The following SORCS2 variants were observed in gnomAD, a reference collection of about 807,000 sequenced individuals.
SORCS2 encodes the protein sortilin related VPS10 domain containing receptor 2.
In SORCS2, 100 loss-of-function variants were observed where a neutral mutation model predicts 141.6. The observed-to-expected ratio is 0.71, with a 90% CI of 0.60 to 0.83. SORCS2 has a LOEUF of 0.83. Among genes scored for constraint, SORCS2 ranks in the 40% least tolerant of loss-of-function variants. SORCS2 has a pLI of 0.00. For synonymous variants in SORCS2, 789 were observed against 676.9 expected, an observed-to-expected ratio of 1.17 and a Z score of -2.57; for missense variants, 1,646 against 1,560.2, an observed-to-expected ratio of 1.05 and a Z score of -0.93.
At chr4:7,359,478 G>A (rs1250839336) in intron 1 of SORCS2, among the ~76,000 whole-genome samples, 1 of 152,194 alleles carries the variant, frequency 6.6e-6, no homozygotes, top group Non-Finnish European at 1.5e-5. Flanking sequence ...AATGTGCTCA[G>A]GGGAGCTGCT....
chr4:7,703,407 A>G, intron 13 of SORCS2, 36 bp downstream of exon 13: 1 of 1,562,078 alleles, frequency 6.4e-7, no homozygotes, highest in South Asian at 1.2e-5. Flanking sequence ...CAGGGAGGGC[A>G]GGCTGGGGCT....
At position 7,667,115 on chromosome 4, in the gene SORCS2, CCCGG is replaced by C; in HGVS notation, c.1072-8_1072-5del. 6.2e-7 allele frequency: 1 copy of C among 1,609,488 alleles called. No homozygotes were observed. Among genetic ancestry groups the C allele is most frequent in the Non-Finnish European group, 8.5e-7 (1 of 1,176,134 alleles). Reference sequence around the variant, plus strand: ...AGCCTCTCAAAAATGTGTTTCTTCCCCCGGTTAGGCAACATCAGCAAACCAGACA... The same window carrying C: ...AGCCTCTCAAAAATGTGTTTCTTCCCTTAGGCAACATCAGCAAACCAGACA... On this transcript the variant is annotated splice_polypyrimidine_tract_variant and splice_region_variant and intron_variant, in intron 7 of 26. Coordinates refer to ENST00000507866, the MANE Select transcript of SORCS2 (RefSeq NM_020777.3).
At chr4:7,719,524 C>A (rs551435853) in intron 18 of SORCS2, among the ~76,000 whole-genome samples, 1 of 152,296 alleles carries the variant, frequency 6.6e-6, no homozygotes, top group Admixed American at 6.5e-5. Flanking sequence ...AGTCTGGGGC[C>A]CCTAGACCTG....
intron 3 of SORCS2, among the ~76,000 whole-genome samples, chr4:7,563,544 G>C (rs1434545165): frequency 6.6e-6 from 1 of 152,174 alleles, no homozygotes; most frequent in Non-Finnish European, 1.5e-5. Flanking sequence ...GGCTGAATGA[G>C]AGGAGTGCCA....
intron 1 of SORCS2, among the ~76,000 whole-genome samples, chr4:7,362,824 C>G (rs1467117427): frequency 1.3e-5 from 2 of 151,882 alleles, no homozygotes; most frequent in Non-Finnish European, 2.9e-5. Flanking sequence ...CCAACACCAC[C>G]ATCATTACTA....
chr4:7,403,260 A>C (rs113359873), intron 2 of SORCS2, among the ~76,000 whole-genome samples: 1 of 152,150 alleles, frequency 6.6e-6, no homozygotes, highest in African/African-American at 2.4e-5. Context: ...CTGTTGGCTG[A>C]TGGGCTTGGG....
chr4:7,483,793 T>C, intron 2 of SORCS2, among the ~76,000 whole-genome samples: 1 of 152,008 alleles, frequency 6.6e-6, no homozygotes, highest in Non-Finnish European at 1.5e-5. Flanking sequence ...AAATACCTAA[T>C]GAATGCAGGG....
At chr4:7,384,116 C>T (rs1723148969) in intron 1 of SORCS2, among the ~76,000 whole-genome samples, 1 of 152,188 alleles carries the variant, frequency 6.6e-6, no homozygotes, top group Admixed American at 6.5e-5. Flanking sequence ...CTTCCTCCCA[C>T]AGTCCCTGCA....
At chr4:7,194,839 C>A (rs1727073707) in intron 1 of SORCS2, among the ~76,000 whole-genome samples, 1 of 152,214 alleles carries the variant, frequency 6.6e-6, no homozygotes, top group Non-Finnish European at 1.5e-5. Context: ...TCCCGCAGGG[C>A]CAGAAAGCTC....
rs956120713 is a variant in SORCS2 at position 7,689,652 on chromosome 4, T to C, written c.1591+64T>C. On this transcript the variant is annotated intron_variant, in intron 11 of 26. Coordinates refer to ENST00000507866, the MANE Select transcript of SORCS2 (RefSeq NM_020777.3). ...TACAGCCCAAGAGTACCTCCAATCT[T>C]AAGGGTAAAAAGGGATGGTCATGAG... 41 of 1,450,164 alleles carry C rather than the reference T, an allele frequency of 2.8e-5. No homozygotes were observed. In the African/African-American group the frequency reaches 5.5e-4, roughly 19 times the overall value. The allele number at this position is 1,450,164 out of a possible 1,614,324, so 89.8% of individuals were successfully genotyped here.
chr4:7,724,921 G>GGCAGTGATGATGGTGGAGGT (rs1560115089), intron 19 of SORCS2, among the ~76,000 whole-genome samples: 2,938 of 36,262 alleles, frequency 0.081, 477 homozygotes, highest in South Asian at 0.11. Flanking sequence ...TGGTGGGAAT[G>GGCAGTGATGATGGTGGAGGT]GATGGTGGTA....
At chr4:7,377,901 C>T (rs1044672463) in intron 1 of SORCS2, among the ~76,000 whole-genome samples, 1 of 152,184 alleles carries the variant, frequency 6.6e-6, no homozygotes, top group Non-Finnish European at 1.5e-5. Flanking sequence ...TTGAGTTCAC[C>T]CTGGGGAGAT....
intron 1 of SORCS2, among the ~76,000 whole-genome samples, chr4:7,196,445 G>A (rs1355648032): frequency 6.6e-6 from 1 of 152,094 alleles, no homozygotes; most frequent in African/African-American, 2.4e-5. Flanking sequence ...TGGGCTTATT[G>A]TGCTTATTTT....
At chr4:7,524,614 G>C (rs997249766) in intron 2 of SORCS2, among the ~76,000 whole-genome samples, 3 of 151,712 alleles carry the variant, frequency 2.0e-5, no homozygotes, top group Non-Finnish European at 4.4e-5. Flanking sequence ...CTTTGAAGGA[G>C]TGATGTTTAG....
intron 3 of SORCS2, among the ~76,000 whole-genome samples, chr4:7,532,560 C>T (rs932521264): frequency 1.3e-4 from 20 of 152,144 alleles, no homozygotes; most frequent in Non-Finnish European, 1.5e-5. Flanking sequence ...GGGAGTTGTG[C>T]GGGATGGTGA....
intron 2 of SORCS2, among the ~76,000 whole-genome samples, chr4:7,508,029 C>T (rs1436661496): frequency 1.3e-5 from 2 of 152,012 alleles, no homozygotes; most frequent in Non-Finnish European, 2.9e-5. Flanking sequence ...AAAGTGGACT[C>T]ACGACGGGTA....
At position 7,654,121 on chromosome 4, in the gene SORCS2, T is replaced by C; in HGVS notation, c.814-13T>C. On this transcript the variant is annotated splice_polypyrimidine_tract_variant and intron_variant, in intron 4 of 26. Coordinates refer to ENST00000507866, the MANE Select transcript of SORCS2 (RefSeq NM_020777.3). ...TCCTGACCAAGCTTTTGTTTCTTTTTTCTGCCCTAAAGCTCTACGTGTCAT... is the reference window on the plus strand; with the variant it reads ...TCCTGACCAAGCTTTTGTTTCTTTTCTCTGCCCTAAAGCTCTACGTGTCAT... The C allele has an allele frequency of 3.8e-6, 6 of 1,564,954 alleles. No individual in the cohort carries two copies. Among genetic ancestry groups the C allele is most frequent in the Non-Finnish European group, 5.2e-6 (6 of 1,153,260 alleles).
chr4:7,697,663 T>C lies in SORCS2; in HGVS notation c.1668+389T>C, dbSNP rs1724796883. On this transcript the variant is annotated intron_variant, in intron 12 of 26. Transcript: ENST00000507866. ...CCACATGGTGCTTCTGAGCCTTGACTTGGGCTCTTTTGGGAGCCCAGAGAG... is the reference window on the plus strand; with the variant it reads ...CCACATGGTGCTTCTGAGCCTTGACCTGGGCTCTTTTGGGAGCCCAGAGAG... Among the ~76,000 whole-genome samples the C allele has an allele frequency of 2.0e-5, 3 of 152,124 alleles. No homozygotes were observed. In the South Asian group the frequency reaches 6.2e-4, roughly 32 times the overall value.
chr4:7,221,808 G>C (rs969854869), intron 1 of SORCS2, among the ~76,000 whole-genome samples: 5 of 152,230 alleles, frequency 3.3e-5, no homozygotes. Context: ...GACTCTTGGA[G>C]AAAGATATTA....
Sources: allele counts gnomAD v4.1 joint callset (sites outside exome capture counted in the v4.1 genomes callset), GRCh38; gene constraint gnomAD v4.1.1; transcripts MANE v1.5; gene names NCBI Gene and HGNC (gene_info 2026-07-23, HGNC 2026-07-21).